ZNF577: variants seen among roughly 807,000 people sequenced by gnomAD.
The protein encoded by ZNF577 is zinc finger protein 577.
A neutral mutation model predicts 13.9 loss-of-function variants in ZNF577; 14 were observed. The observed-to-expected ratio is 1.00, with a 90% CI of 0.66 to 1.57. The LOEUF is 1.57. Among genes scored for constraint, ZNF577 ranks in the 40% most tolerant of loss-of-function variants. The pLI is 0.00. For synonymous variants in ZNF577, 203 were observed against 202.9 expected (o/e 1.00, Z 0.00); for missense variants, 555 against 579.2 (o/e 0.96, Z 0.43).
At chr19:51,863,215 T>C (rs915425646), downstream of ZNF577, 11 of 152,184 alleles carry the variant, frequency 7.2e-5, no homozygotes, top group African/African-American at 2.7e-4. Flanking sequence ...TTTACAAGTA[T>C]TCACTGCACA....
chr19:51,855,367 CTGTGTGTGTGTGTGTGTGTGTGTGTGTG>C (rs55937420), intron 5 of ZNF577, among the ~76,000 whole-genome samples: 3 of 143,460 alleles, frequency 2.1e-5, no homozygotes, highest in African/African-American at 7.9e-5. Context: ...GCTGAGGGTG[CTGTGTGTGTGTGTGTGTGTGTGTGTGTG>C]TGTGTGTGTG....
chr19:51,865,126 C>T (rs192130670), downstream of ZNF577, among the ~76,000 whole-genome samples: 117 of 152,164 alleles, frequency 7.7e-4, no homozygotes, highest in African/African-American at 2.6e-3. Context: ...GACGGAGTTT[C>T]GCTCTTGTCA....
intron 9 of ZNF577, among the ~76,000 whole-genome samples, chr19:51,812,508 C>G (rs2084104381): frequency 6.6e-6 from 1 of 152,202 alleles, no homozygotes; most frequent in Non-Finnish European, 1.5e-5. Flanking sequence ...ACATTTTGCT[C>G]TCATTCATTT....
chr19:51,857,361 G>GGAAA (rs1405716230), intron 5 of ZNF577, among the ~76,000 whole-genome samples: 4 of 69,160 alleles, frequency 5.8e-5, no homozygotes, highest in East Asian at 4.5e-4. Context: ...AAAGAAAGAA[G>GGAAA]GAAGGAAAGA....
At chr19:51,813,686 AC>A (rs2084114289) in intron 9 of ZNF577, among the ~76,000 whole-genome samples, 1 of 151,938 alleles carries the variant, frequency 6.6e-6, no homozygotes, top group South Asian at 2.1e-4. Context: ...GCCTGCCACC[AC>A]GCCCAGCTAA....
rs2084590586 is a variant in ZNF577 at position 51,867,863 on chromosome 19, T to C, written c.*4669A>G. Among the ~76,000 whole-genome samples the C allele has an allele frequency of 6.6e-6, 1 of 152,116 alleles. No homozygotes were observed. Among genetic ancestry groups the C allele is most frequent in the African/African-American group, 2.4e-5 (1 of 41,426 alleles). On this transcript the variant is annotated 3_prime_UTR_variant, in exon 6 of 6. Coordinates refer to ENST00000638348, the MANE Select transcript of ZNF577 (RefSeq NM_001370449.1). Reference sequence around the variant, plus strand: ...TGGAAAAAGCCCTCAGAGGTCAGACTAATCAGCACCAATGAGGAATTTCTA... The same window carrying C: ...TGGAAAAAGCCCTCAGAGGTCAGACCAATCAGCACCAATGAGGAATTTCTA...
At chr19:51,835,763 G>A (rs540611585) in intron 9 of ZNF577, among the ~76,000 whole-genome samples, 1 of 152,218 alleles carries the variant, frequency 6.6e-6, no homozygotes, top group African/African-American at 2.4e-5. Flanking sequence ...CACGATCTCG[G>A]CTCACTGCAA....
At chr19:51,884,776 T>C (rs900077762) in intron 1 of ZNF577, among the ~76,000 whole-genome samples, 4 of 152,236 alleles carry the variant, frequency 2.6e-5, no homozygotes, top group Non-Finnish European at 4.4e-5. Context: ...AGGGTTTACA[T>C]GTAGAATTCT....
intron 8 of ZNF577, chr19:51,840,782 G>T (rs964517256): frequency 6.6e-6 from 1 of 150,720 alleles, no homozygotes; most frequent in Non-Finnish European, 1.5e-5. Context: ...ATAAATACAT[G>T]TAATGTATGG....
chr19:51,836,455 C>T (rs1034658229), intron 9 of ZNF577, among the ~76,000 whole-genome samples: 25 of 152,186 alleles, frequency 1.6e-4, no homozygotes, highest in East Asian at 5.8e-4. Flanking sequence ...ATTTCTCTGA[C>T]GATTTGTGAT....
Position 51,810,352 on chromosome 19 carries a change from G to A in ZNF577, c.*817+1105C>T, listed in dbSNP as rs144274790. Among the ~76,000 whole-genome samples, 1,067 of 152,202 alleles carry A rather than the reference G, an allele frequency of 7.0e-3. 16 individuals carry two copies. Among genetic ancestry groups the A allele is most frequent in the African/African-American group, 0.025 (1,029 of 41,536 alleles). ...TTAAGGTTAGCATTTCTGCAGCCGT[G>A]GTATGAGGAATCTGACGCTTCACTG... On this transcript the variant is annotated intron_variant and NMD_transcript_variant, in intron 10 of 10. Coordinates refer to the ZNF577 transcript ENST00000638827.
intron 9 of ZNF577, among the ~76,000 whole-genome samples, chr19:51,832,227 G>A (rs2084264564): frequency 6.6e-6 from 1 of 152,110 alleles, no homozygotes; most frequent in Admixed American, 6.5e-5. Flanking sequence ...ACCATATACA[G>A]CAGAGTTTGT....
intron 5 of ZNF577, among the ~76,000 whole-genome samples, chr19:51,855,516 C>T (rs1055559091): frequency 1.3e-5 from 2 of 152,008 alleles, no homozygotes; most frequent in African/African-American, 4.8e-5. Flanking sequence ...TCAGGTATCT[C>T]ATGGGCATGC....
chr19:51,871,812 G>A lies in ZNF577; in HGVS notation c.*720C>T, dbSNP rs1235918292. On this transcript the variant is annotated 3_prime_UTR_variant, in exon 6 of 6. Coordinates refer to ENST00000638348, the MANE Select transcript of ZNF577 (RefSeq NM_001370449.1). ...GAATTTGGGCAGCTTCTAGAAGCTG[G>A]AAGGGCAAAGAAAGACGCTCCCCTA... is the stretch of plus-strand genomic sequence containing the variant. 6.6e-6 allele frequency: 1 copy of A among 152,128 alleles called. No individual in the cohort carries two copies. The highest frequency in any genetic ancestry group is 1.5e-5 in the Non-Finnish European group (1 of 68,036). 9.4% of individuals were successfully genotyped at this position (152,128 alleles called of 1,614,324 possible).
intron 9 of ZNF577, among the ~76,000 whole-genome samples, chr19:51,831,820 C>T (rs1042415328): frequency 1.2e-4 from 18 of 152,166 alleles, no homozygotes; most frequent in African/African-American, 4.3e-4. Context: ...CTAGTAATAT[C>T]TTTATTTCTC....
At chr19:51,878,814 AC>A (rs1423963119) in intron 3 of ZNF577, 17 of 277,806 alleles carry the variant, frequency 6.1e-5, no homozygotes, top group Non-Finnish European at 4.2e-5. Context: ...AAATTACAGC[AC>A]CTCCATGCTA....
At chr19:51,857,346 G>GATAC (rs1384482827) in intron 5 of ZNF577, among the ~76,000 whole-genome samples, 1 of 135,152 alleles carries the variant, frequency 7.4e-6, no homozygotes, top group African/African-American at 2.8e-5. Flanking sequence ...GAGAAAGAAA[G>GATAC]AGAGAAAGAA....
chr19:51,836,807 G>A (rs2084289580), intron 9 of ZNF577, among the ~76,000 whole-genome samples: 1 of 152,158 alleles, frequency 6.6e-6, no homozygotes, highest in African/African-American at 2.4e-5. Flanking sequence ...ACTTTGGGAG[G>A]CTGCGGCGGG....
At chr19:51,829,549 A>G (rs752119779) in intron 9 of ZNF577, among the ~76,000 whole-genome samples, 9 of 152,308 alleles carry the variant, frequency 5.9e-5, no homozygotes, top group Admixed American at 1.3e-4. Context: ...GAAGGTTTGC[A>G]TCCTTTTCCT....
Sources: gnomAD v4.1 joint callset for allele counts (sites outside exome capture counted in the v4.1 genomes callset) on GRCh38, gnomAD v4.1.1 for gene constraint, MANE v1.5 for transcripts, NCBI Gene and HGNC (gene_info 2026-07-23, HGNC 2026-07-21) for gene names.